Variants in RREB1 observed in about 807,000 individuals in gnomAD.
The protein encoded by RREB1 is ras responsive element binding protein 1.
A neutral mutation model predicts 117.8 loss-of-function variants in RREB1; 27 were observed. The observed-to-expected ratio is 0.23, with a 90% CI of 0.17 to 0.32. The LOEUF is 0.32. RREB1 is among the 10% of genes least tolerant of loss of function. The pLI is 1.00. For synonymous variants in RREB1, 1,298 were observed against 1,026.7 expected (o/e 1.26, Z -5.05); for missense variants, 2,577 against 2,378.2 (o/e 1.08, Z -1.74).
At chr6:7,201,222 C>T (rs1051016840) in intron 6 of RREB1, among the ~76,000 whole-genome samples, 4 of 152,076 alleles carry the variant, frequency 2.6e-5, no homozygotes, top group African/African-American at 2.4e-5. Flanking sequence ...AGTGTGTGTC[C>T]GGTTTAGTTT....
chr6:7,131,578 C>G (rs952593467), intron 1 of RREB1, among the ~76,000 whole-genome samples: 3 of 152,102 alleles, frequency 2.0e-5, no homozygotes, highest in Non-Finnish European at 4.4e-5. Context: ...GAATTCAAAC[C>G]CAGGCCAGTG....
rs146409703 is a variant in RREB1, at chr6:7,130,412, A to G, written c.-285+22352A>G. 7.5e-3 allele frequency among the ~76,000 whole-genome samples: 1,140 copies of G among 152,166 alleles called. 16 individuals are homozygous for G. The highest frequency in any genetic ancestry group is 0.026 in the African/African-American group (1,073 of 41,524). ...CCCTGGGTGACTCAGATTTGGTTGC[A>G]TTTGTCATTTCACAACCACCTGCAT... On this transcript the variant is annotated intron_variant, in intron 1 of 12. Coordinates refer to ENST00000379938, the MANE Select transcript of RREB1 (RefSeq NM_001003699.4).
intron 1 of RREB1, among the ~76,000 whole-genome samples, chr6:7,118,266 G>A (rs991038978): frequency 4.6e-5 from 7 of 152,028 alleles, no homozygotes; most frequent in African/African-American, 1.4e-4. Context: ...GATTACAGGC[G>A]CATGCCACCA....
intron 11 of RREB1, 110 bp from the exon 12 acceptor site, chr6:7,246,314 T>G: frequency 2.1e-6 from 2 of 935,928 alleles, no homozygotes; most frequent in Admixed American, 3.4e-5. Context: ...TCCTCACTGG[T>G]TTGGGGTTCA....
At chr6:7,160,290 G>A (rs1410216230) in intron 1 of RREB1, among the ~76,000 whole-genome samples, 1 of 151,878 alleles carries the variant, frequency 6.6e-6, no homozygotes, top group Non-Finnish European at 1.5e-5. Flanking sequence ...GTCACGAATA[G>A]TTGGGTCTTT....
intron 12 of RREB1, among the ~76,000 whole-genome samples, chr6:7,247,486 G>T (rs1769158750): frequency 6.6e-6 from 1 of 152,174 alleles, no homozygotes; most frequent in African/African-American, 2.4e-5. Context: ...TAGCTCTGCT[G>T]CCTCCGCCTC....
chr6:7,155,001 T>C (rs1763295599), intron 1 of RREB1, among the ~76,000 whole-genome samples: 1 of 152,104 alleles, frequency 6.6e-6, no homozygotes, highest in Non-Finnish European at 1.5e-5. Flanking sequence ...GCCCAGTCAT[T>C]TAAAACTGAA....
chr6:7,157,159 C>T (rs1303070659), intron 1 of RREB1, among the ~76,000 whole-genome samples: 1 of 152,156 alleles, frequency 6.6e-6, no homozygotes, highest in Non-Finnish European at 1.5e-5. Flanking sequence ...TGGCTGGGCG[C>T]GGTGGCTCAC....
chr6:7,228,039 C>T (rs769658750), intron 9 of RREB1, among the ~76,000 whole-genome samples: 4 of 152,312 alleles, frequency 2.6e-5, no homozygotes, highest in East Asian at 1.9e-4. Context: ...GGTGACAGAG[C>T]GAGACTCAGT....
At chr6:7,182,851 T>TATACTAA (rs1561766750) in intron 4 of RREB1, among the ~76,000 whole-genome samples, 1 of 152,246 alleles carries the variant, frequency 6.6e-6, no homozygotes, top group Non-Finnish European at 1.5e-5. Flanking sequence ...TTAATGAGAC[T>TATACTAA]ATACTAAATC....
chr6:7,212,511 C>A (rs7739863), intron 8 of RREB1: 81,141 of 152,060 alleles, frequency 0.53, 22,780 homozygotes, highest in East Asian at 0.8. Context: ...CACTTTAAAA[C>A]TGTTAACTGC....
At chr6:7,155,305 TTTTG>T (rs929538305) in intron 1 of RREB1, among the ~76,000 whole-genome samples, 82 of 152,290 alleles carry the variant, frequency 5.4e-4, no homozygotes, top group African/African-American at 1.6e-3. Flanking sequence ...TTCAGTTTTG[TTTTG>T]TTTGTTTGTT....
At chr6:7,147,011 C>T (rs1203297246) in intron 1 of RREB1, among the ~76,000 whole-genome samples, 1 of 152,178 alleles carries the variant, frequency 6.6e-6, no homozygotes, top group East Asian at 1.9e-4. Flanking sequence ...TCTCCAGTCT[C>T]CAGCTGTTTT....
rs1294235392 is a variant in RREB1, at chr6:7,249,995, T to A, written c.*1027T>A. The stretch of plus-strand genomic sequence containing the variant: ...ATGAGACAAGCCTTTCTTCTGTCAC[T>A]GCAGAATTTAGAAGGGGCCGTGAGC... On this transcript the variant is annotated 3_prime_UTR_variant, in exon 13 of 13. Transcript: ENST00000379938. 6.6e-6 allele frequency: 1 copy of A among 152,572 alleles called. No homozygotes were observed. Among genetic ancestry groups the A allele is most frequent in the African/African-American group, 2.4e-5 (1 of 41,420 alleles). The allele number at this position is 152,572 out of a possible 1,614,324, so 9.5% of individuals were successfully genotyped here.
At chr6:7,142,023 CCAA>C (rs938080231) in intron 1 of RREB1, among the ~76,000 whole-genome samples, 1 of 152,102 alleles carries the variant, frequency 6.6e-6, no homozygotes, top group African/African-American at 2.4e-5. Context: ...ACCAGCCTGG[CCAA>C]CATGGTGAAA....
At chr6:7,216,820 A>G (rs12200266) in intron 8 of RREB1, 10,112 of 152,436 alleles carry the variant, frequency 0.066, 457 homozygotes, top group Non-Finnish European at 0.098. Flanking sequence ...AAGGAGGGGA[A>G]GACTGCCCCC....
At chr6:7,166,564 T>A (rs1167702756) in intron 1 of RREB1, among the ~76,000 whole-genome samples, 1 of 152,192 alleles carries the variant, frequency 6.6e-6, no homozygotes, top group East Asian at 1.9e-4. Flanking sequence ...GTTTGTAACG[T>A]CTGATTACGC....
In RREB1 at chr6:7,246,469, T is replaced by C. The variant is rs780470252; in HGVS notation, c.4019T>C (p.Leu1340Pro). 1.6e-5 allele frequency: 24 copies of C among 1,535,348 alleles called. No individual in the cohort carries two copies. The highest frequency in any genetic ancestry group is 1.9e-5 in the Non-Finnish European group (22 of 1,139,286). ...ACTGCAGCCGCCGCGGGCGAAGTGC[T>C]AGACCTCACCTCACGGGACAGAGAG... ...AETAAAAGEV[L>P]DLTSRDREQP... The change falls in exon 12 of 13, where the codon CTA becomes CCA. Residue 1340 changes from leucine to proline, a missense_variant. Coordinates refer to ENST00000379938, the MANE Select transcript of RREB1 (RefSeq NM_001003699.4).
At chr6:7,128,862 G>T (rs186906100) in intron 1 of RREB1, among the ~76,000 whole-genome samples, 1 of 152,112 alleles carries the variant, frequency 6.6e-6, no homozygotes, top group Non-Finnish European at 1.5e-5. Context: ...CCAGCAACTC[G>T]GGAAGCTGAG....
Sources: gnomAD v4.1 joint callset for allele counts (sites outside exome capture counted in the v4.1 genomes callset) on GRCh38, gnomAD v4.1.1 for gene constraint, MANE v1.5 for transcripts, NCBI Gene and HGNC (gene_info 2026-07-23, HGNC 2026-07-21) for gene names.